STAC: variants seen among roughly 807,000 people sequenced by gnomAD.
The protein encoded by STAC is SH3 and cysteine rich domain.
In STAC, 43 loss-of-function variants were observed where a neutral mutation model predicts 48.8. That is an observed-to-expected ratio of 0.88 (90% CI 0.69 to 1.14). The LOEUF is 1.14. Ranked by LOEUF, STAC falls within the 50% of genes most tolerant of loss-of-function variation. The probability of loss-of-function intolerance (pLI) is 0.00; values close to 1 mark genes in which losing one functional copy is unlikely to be tolerated. For missense variants in STAC, 497 were observed against 504.0 expected, an observed-to-expected ratio of 0.99 and a Z score of 0.13; for synonymous variants, 193 against 179.5, an observed-to-expected ratio of 1.07 and a Z score of -0.60.
At chr3:36,513,067 A>G (rs1469491230) in intron 8 of STAC, among the ~76,000 whole-genome samples, 1 of 152,234 alleles carries the variant, frequency 6.6e-6, no homozygotes, top group Non-Finnish European at 1.5e-5. Flanking sequence ...AGGAAATGTT[A>G]GGAGTGTGAG....
At chr3:36,416,888 G>A (rs1009938648) in intron 1 of STAC, among the ~76,000 whole-genome samples, 1 of 152,144 alleles carries the variant, frequency 6.6e-6, no homozygotes, top group Non-Finnish European at 1.5e-5. Context: ...CAAAGAGCAG[G>A]CTTCCTCTGG....
chr3:36,517,645 C>A (rs1366448585), intron 8 of STAC, among the ~76,000 whole-genome samples: 2 of 149,026 alleles, frequency 1.3e-5, no homozygotes, highest in Non-Finnish European at 3.0e-5. Flanking sequence ...CAGAGCTAGA[C>A]CCTATCTATC....
At chr3:36,517,333 A>G (rs149740042) in intron 8 of STAC, among the ~76,000 whole-genome samples, 1 of 152,324 alleles carries the variant, frequency 6.6e-6, no homozygotes, top group African/African-American at 2.4e-5. Flanking sequence ...AGTTTAATTC[A>G]TGAACAAAGC....
In STAC at chr3:36,486,200, C is replaced by T. The variant is rs1245536242; in HGVS notation, c.638C>T (p.Thr213Ile). Residue 213 changes from threonine (T) to isoleucine (I), a missense_variant, in exon 5 of 11, where the codon ACA (threonine) becomes ATA (isoleucine). Coordinates refer to ENST00000273183, the MANE Select transcript of STAC (RefSeq NM_003149.3). ...TTCGGCACCTCCCTGGCCCAGAGGA[C>T]AAAGAAGGGCAGCTCCGGCAGTGGC... is the stretch of plus-strand genomic sequence containing the variant. ...LRFGTSLAQR[T>I]KKGSSGSGSD... 1.2e-6 allele frequency: 2 copies of T among 1,613,980 alleles called. No homozygotes were observed. Among genetic ancestry groups the T allele is most frequent in the South Asian group, 2.2e-5 (2 of 91,028 alleles).
intron 2 of STAC, among the ~76,000 whole-genome samples, chr3:36,466,094 T>C (rs1697161680): frequency 1.3e-5 from 2 of 152,346 alleles, no homozygotes; most frequent in Middle Eastern, 3.4e-3. Flanking sequence ...GAGATGAGGA[T>C]CCAATTTCAT....
intron 1 of STAC, among the ~76,000 whole-genome samples, chr3:36,406,619 TCTAGACCAGAGCTGA>T (rs1433633603): frequency 4.6e-5 from 7 of 152,226 alleles, no homozygotes; most frequent in African/African-American, 1.7e-4. Flanking sequence ...CAGTCTTCCC[TCTAGACCAGAGCTGA>T]GCAAGCTACA....
At chr3:36,392,884 A>T (rs1699783341) in intron 1 of STAC, among the ~76,000 whole-genome samples, 1 of 151,800 alleles carries the variant, frequency 6.6e-6, no homozygotes, top group Non-Finnish European at 1.5e-5. Flanking sequence ...ACTCTAATTC[A>T]CTCCAGCACT....
chr3:36,433,248 T>G (rs915640851), intron 1 of STAC, among the ~76,000 whole-genome samples: 1 of 152,170 alleles, frequency 6.6e-6, no homozygotes, highest in African/African-American at 2.4e-5. Flanking sequence ...TTAAGGTTTA[T>G]GTATCATTGG....
chr3:36,529,275 C>T, intron 10 of STAC: 1 of 191,214 alleles, frequency 5.2e-6, no homozygotes, highest in Non-Finnish European at 1.1e-5. Flanking sequence ...CTGATGTGGA[C>T]AGCTTCTCTC....
chr3:36,384,091 A>G (rs1197781149), intron 1 of STAC, among the ~76,000 whole-genome samples: 1 of 152,196 alleles, frequency 6.6e-6, no homozygotes, highest in African/African-American at 2.4e-5. Flanking sequence ...GAAAGATGAC[A>G]GCCTAATTTA....
At chr3:36,469,689 T>G (rs1697272543) in intron 2 of STAC, among the ~76,000 whole-genome samples, 1 of 152,220 alleles carries the variant, frequency 6.6e-6, no homozygotes, top group Admixed American at 6.5e-5. Flanking sequence ...CTTGTAGATT[T>G]CTCTTCTTCC....
intron 10 of STAC, among the ~76,000 whole-genome samples, chr3:36,533,466 T>G (rs1348418617): frequency 7.1e-6 from 1 of 140,092 alleles, no homozygotes; most frequent in African/African-American, 2.7e-5. Context: ...TCAATAATCT[T>G]GCTAGCATGT....
At chr3:36,529,033 T>C in intron 10 of STAC, 48 bp downstream of exon 10, 1 of 1,526,352 alleles carries the variant, frequency 6.6e-7, no homozygotes, top group Non-Finnish European at 8.8e-7. Context: ...AAATAGGGTG[T>C]CATTTTAATA....
intron 7 of STAC, among the ~76,000 whole-genome samples, chr3:36,505,090 TCTAC>T (rs1369160957): frequency 6.6e-6 from 1 of 152,144 alleles, no homozygotes; most frequent in Non-Finnish European, 1.5e-5. Context: ...AAAAACAGAA[TCTAC>T]CTAACGGAGT....
At chr3:36,528,405 G>T (rs976340646) in intron 8 of STAC, among the ~76,000 whole-genome samples, 5 of 151,522 alleles carry the variant, frequency 3.3e-5, no homozygotes, top group Admixed American at 6.6e-5. Flanking sequence ...CGAGTCAGAG[G>T]TTGCAGTGAG....
At chr3:36,406,371 G>T (rs1559479842) in intron 1 of STAC, among the ~76,000 whole-genome samples, 1 of 152,210 alleles carries the variant, frequency 6.6e-6, no homozygotes, top group Admixed American at 6.5e-5. Flanking sequence ...TCTGAAGCTG[G>T]AGTGGTCCAT....
At chr3:36,452,918 C>T (rs542129989) in intron 2 of STAC, among the ~76,000 whole-genome samples, 2 of 152,228 alleles carry the variant, frequency 1.3e-5, no homozygotes, top group South Asian at 2.1e-4. Flanking sequence ...GCAAGGTGGG[C>T]TCAACAAGCC....
At chr3:36,381,817 C>G (rs1342963685) in intron 1 of STAC, among the ~76,000 whole-genome samples, 1 of 152,200 alleles carries the variant, frequency 6.6e-6, no homozygotes, top group Non-Finnish European at 1.5e-5. Context: ...TCCCAGCCCC[C>G]TGAAGTTAAC....
intron 10 of STAC, 24 bp downstream of exon 10, chr3:36,529,009 TC>T: frequency 6.4e-7 from 1 of 1,571,830 alleles, no homozygotes; most frequent in Non-Finnish European, 8.6e-7. Flanking sequence ...ACAAACACAT[TC>T]CAGATATGAG....
Sources: allele counts gnomAD v4.1 joint callset (sites outside exome capture counted in the v4.1 genomes callset), GRCh38; gene constraint gnomAD v4.1.1; transcripts MANE v1.5; gene names NCBI Gene and HGNC (gene_info 2026-07-23, HGNC 2026-07-21).